The following OTP variants were observed in gnomAD, a reference collection of about 807,000 sequenced individuals.
OTP encodes the protein orthopedia homeobox.
A neutral mutation model predicts 22.3 loss-of-function variants in OTP; 5 were observed. That is an observed-to-expected ratio of 0.22 (90% confidence interval 0.12 to 0.47). The LOEUF (loss-of-function observed/expected upper bound fraction) is 0.47, where lower values mean the gene tolerates loss of function less well. OTP is among the 20% of genes least tolerant of loss of function. OTP has a pLI of 0.99. For missense variants in OTP, 428 were observed against 456.2 expected (o/e 0.94, Z 0.56); for synonymous variants, 229 against 210.6 (o/e 1.09, Z -0.76).
intron 2 of OTP, among the ~76,000 whole-genome samples, chr5:77,635,089 A>G (rs1275552534): frequency 6.6e-6 from 1 of 152,108 alleles, no homozygotes; most frequent in East Asian, 1.9e-4. Context: ...ATTATATTTT[A>G]TTTGTGATTC....
At chr5:77,635,557 A>G (rs751378290) in intron 2 of OTP, among the ~76,000 whole-genome samples, 7 of 152,262 alleles carry the variant, frequency 4.6e-5, no homozygotes, top group Non-Finnish European at 1.0e-4. Context: ...TTGCTATTAG[A>G]GCAGAAGCAT....
At chr5:77,637,788 A>G (rs1580066737) in intron 1 of OTP, among the ~76,000 whole-genome samples, 1 of 152,258 alleles carries the variant, frequency 6.6e-6, no homozygotes, top group South Asian at 2.1e-4. Context: ...TGTTTGGAAA[A>G]TGGAGTCACA....
Position 77,638,526 on chromosome 5 carries a change from C to T in OTP, c.24G>A (p.Leu8=). Residue 8 remains leucine, a synonymous_variant, in exon 1 of 3, where the codon CTG becomes CTA. Transcript: ENST00000306422. MLSHADL[L]DARLGMKDAA... is the part of the protein sequence containing the mutation. Reference sequence around the variant, plus strand: ...GCGCGCACTCACCTAGCCTGGCGTCCAGGAGGTCGGCATGAGACAGCATCG... The same window carrying T: ...GCGCGCACTCACCTAGCCTGGCGTCTAGGAGGTCGGCATGAGACAGCATCG... 6.3e-7 allele frequency: 1 copy of T among 1,579,306 alleles called. No homozygotes were observed.
chr5:77,635,654 T>G (rs528721276), intron 2 of OTP, among the ~76,000 whole-genome samples: 1 of 152,362 alleles, frequency 6.6e-6, no homozygotes, highest in African/African-American at 2.4e-5. Flanking sequence ...TTCTCATTGC[T>G]TACTTCTTAG....
At position 77,630,220 on chromosome 5, in the gene OTP, C is replaced by T. The variant is rs936334823; in HGVS notation, c.*44G>A. ...GCGCCGGAAGGGCCTCGGGGCGGCC[C>T]CCGGGGCGGTGCTGGGGGCGGAGCG... is the stretch of plus-strand genomic sequence containing the variant. On this transcript the variant is annotated 3_prime_UTR_variant, in exon 3 of 3. Coordinates refer to ENST00000306422, the MANE Select transcript of OTP (RefSeq NM_032109.3). 1.5e-5 allele frequency: 20 copies of T among 1,371,844 alleles called. No homozygotes were observed. The African/African-American group carries it at 2.9e-4, about 20-fold the overall frequency. The allele number at this position is 1,371,844 out of a possible 1,614,324, so 85.0% of individuals were successfully genotyped here. A position where few individuals can be genotyped will look rare whatever the true frequency, so the allele number is the denominator to read the frequency against.
At position 77,638,579 on chromosome 5, in the gene OTP, C is replaced by T; in HGVS notation, c.-30G>A. 6.5e-7 allele frequency: 1 copy of T among 1,545,632 alleles called. No individual in the cohort carries two copies. The highest frequency in any genetic ancestry group is 8.7e-7 in the Non-Finnish European group (1 of 1,151,412). On this transcript the variant is annotated 5_prime_UTR_variant, in exon 1 of 3. Coordinates refer to ENST00000306422, the MANE Select transcript of OTP (RefSeq NM_032109.3). The stretch of plus-strand genomic sequence containing the variant: ...CACCGCTCCAGGGCGAAAGCTGTTC[C>T]CCCCCAAATTTTAGCGGCTTTAAGT...
Position 77,637,026 on chromosome 5 carries a change from T to G in OTP, c.242A>C (p.Asp81Ala). The change falls in exon 2 of 3, where the codon GAC becomes GCC. Residue 81 changes from aspartate to alanine, a missense_variant. Coordinates refer to ENST00000306422, the MANE Select transcript of OTP (RefSeq NM_032109.3). ...ASLAVSAKDP[D>A]KQPGPQGGPN... Reference sequence around the variant, plus strand: ...GCCGCCCTGGGGCCCGGGCTGCTTGTCCGGGTCTTTGGCGCTCACCGCCAG... The same window carrying G: ...GCCGCCCTGGGGCCCGGGCTGCTTGGCCGGGTCTTTGGCGCTCACCGCCAG... The G allele has an allele frequency of 6.2e-7, 1 of 1,612,970 alleles. No individual in the cohort carries two copies. The highest frequency in any genetic ancestry group is 1.3e-5 in the African/African-American group (1 of 75,026).
intron 2 of OTP, chr5:77,636,361 G>A (rs74374173): frequency 0.032 from 4,956 of 155,534 alleles, 90 homozygotes; most frequent in South Asian, 0.059. Context: ...TTTAAAAGGC[G>A]CTCATTCGCC....
At chr5:77,630,931 A>C in intron 2 of OTP, 137 bp from the exon 3 acceptor site, 1 of 991,056 alleles carries the variant, frequency 1.0e-6, no homozygotes, top group Middle Eastern at 3.3e-4. Flanking sequence ...TAGGCCCGAC[A>C]AGCCCCCATA....
chr5:77,630,503 G>T lies in OTP; in HGVS notation c.739C>A (p.Pro247Thr). ...CTGTTGGACAGGCCCATGGAGTTGG[G>T]CGGCGGACCGGCCGCCAGGCTGCAC... The part of the protein sequence containing the change: ...SQCSLAAGPP[P>T]NSMGLSNSLA... Residue 247 changes from proline to threonine, a missense_variant, in exon 3 of 3, where the codon CCC becomes ACC. This residue lies in a region of OTP where 236 missense variants were observed against 238.1 expected (regional missense o/e 0.99). Transcript: ENST00000306422. 2 of 1,592,682 alleles carry T rather than the reference G, an allele frequency of 1.3e-6. No homozygotes were observed. The highest frequency in any genetic ancestry group is 4.6e-5 in the East Asian group (2 of 43,918).
intron 2 of OTP, among the ~76,000 whole-genome samples, chr5:77,632,713 CA>C (rs1744950174): frequency 6.6e-6 from 1 of 152,176 alleles, no homozygotes; most frequent in African/African-American, 2.4e-5. Flanking sequence ...GTTTCTACCC[CA>C]TTTTGCAGAT....
Position 77,638,553 on chromosome 5 carries a change from G to A in OTP, c.-4C>T. The A allele has an allele frequency of 3.8e-6, 6 of 1,567,506 alleles. No homozygotes were observed. The highest frequency in any genetic ancestry group is 2.4e-5 in the South Asian group (2 of 82,400). ...GGAGGTCGGCATGAGACAGCATCGC[G>A]CACCGCTCCAGGGCGAAAGCTGTTC... On this transcript the variant is annotated 5_prime_UTR_variant, in exon 1 of 3. Coordinates refer to ENST00000306422, the MANE Select transcript of OTP (RefSeq NM_032109.3).
At chr5:77,631,756 G>GA (rs1401691670) in intron 2 of OTP, among the ~76,000 whole-genome samples, 1 of 151,556 alleles carries the variant, frequency 6.6e-6, no homozygotes, top group African/African-American at 2.4e-5. Flanking sequence ...GTGGAGACGG[G>GA]GTTTCACCAT....
Position 77,638,599 on chromosome 5 carries a change from T to C in OTP, c.-50A>G. 6.7e-7 allele frequency: 1 copy of C among 1,492,002 alleles called. No individual in the cohort carries two copies. Among genetic ancestry groups the C allele is most frequent in the Non-Finnish European group, 9.0e-7 (1 of 1,115,612 alleles). 92.4% of individuals were successfully genotyped at this position (1,492,002 alleles called of 1,614,324 possible). ...TGTTCCCCCCCAAATTTTAGCGGCT[T>C]TAAGTTATTTAAAATAGATATAAGC... On this transcript the variant is annotated 5_prime_UTR_variant, in exon 1 of 3. Coordinates refer to ENST00000306422, the MANE Select transcript of OTP (RefSeq NM_032109.3).
Position 77,630,172 on chromosome 5 carries a change from G to T in OTP, c.*92C>A, listed in dbSNP as rs1405318548. On this transcript the variant is annotated 3_prime_UTR_variant, in exon 3 of 3. Coordinates refer to ENST00000306422, the MANE Select transcript of OTP (RefSeq NM_032109.3). ...GGGGCGAAGGCCGGGGCGGGACGGG[G>T]CAGGGCGCCGGGGTCCGGGTGCGCG... 1.3e-6 allele frequency: 1 copy of T among 778,912 alleles called. No individual in the cohort carries two copies. The highest frequency in any genetic ancestry group is 4.6e-5 in the Admixed American group (1 of 21,812). 48.3% of individuals were successfully genotyped at this position (778,912 alleles called of 1,614,324 possible).
Position 77,629,293 on chromosome 5 carries a change from C to A in OTP, c.*971G>T, listed in dbSNP as rs1212646267. On this transcript the variant is annotated 3_prime_UTR_variant, in exon 3 of 3. Coordinates refer to ENST00000306422, the MANE Select transcript of OTP (RefSeq NM_032109.3). ...TCACCTCTTCCTCGTCACATGACTG[C>A]TTTAGTCTACTCCAGCCACCCAATC... 3 of 152,274 alleles carry A rather than the reference C, an allele frequency of 2.0e-5. No homozygotes were observed. Among genetic ancestry groups the A allele is most frequent in the African/African-American group, 7.2e-5 (3 of 41,470 alleles). 9.4% of individuals were successfully genotyped at this position (152,274 alleles called of 1,614,324 possible). A position where few individuals can be genotyped will look rare whatever the true frequency, so the allele number is the denominator to read the frequency against.
Position 77,638,557 on chromosome 5 carries a change from C to T in OTP, c.-8G>A. ...GTCGGCATGAGACAGCATCGCGCAC[C>T]GCTCCAGGGCGAAAGCTGTTCCCCC... On this transcript the variant is annotated 5_prime_UTR_variant, in exon 1 of 3. Coordinates refer to ENST00000306422, the MANE Select transcript of OTP (RefSeq NM_032109.3). 1.3e-6 allele frequency: 2 copies of T among 1,560,310 alleles called. No individual in the cohort carries two copies. Among genetic ancestry groups the T allele is most frequent in the South Asian group, 2.5e-5 (2 of 81,584 alleles).
In OTP at chr5:77,636,917, G is replaced by C. The variant is rs764401224; in HGVS notation, c.351C>G (p.Asn117Lys). The change falls in exon 2 of 3, where the codon AAC (asparagine) becomes AAG (lysine). Residue 117 changes from asparagine to lysine, a missense_variant. This residue lies in a region of OTP where 176 missense variants were observed against 162.9 expected (regional missense o/e 1.08). Coordinates refer to ENST00000306422, the MANE Select transcript of OTP (RefSeq NM_032109.3). ...TCTTGGCGAAGCTCCTCTCCAACTC[G>C]TTGAGCTGTGCGGGGGTGAAGCGCG... ...HRTRFTPAQL[N>K]ELERSFAKTH... is the part of the protein sequence containing the mutation. 1 of 1,614,196 alleles carries C rather than the reference G, an allele frequency of 6.2e-7. No individual in the cohort carries two copies. The highest frequency in any genetic ancestry group is 1.6e-4 in the Middle Eastern group (1 of 6,062).
Position 77,629,893 on chromosome 5 carries a change from G to T in OTP, c.*371C>A. 1 of 180,344 alleles carries T rather than the reference G, an allele frequency of 5.5e-6. No homozygotes were observed. Among genetic ancestry groups the T allele is most frequent in the South Asian group, 2.0e-4 (1 of 5,078 alleles). The allele number at this position is 180,344 out of a possible 1,614,324, so 11.2% of individuals were successfully genotyped here. A position where few individuals can be genotyped will look rare whatever the true frequency, so the allele number is the denominator to read the frequency against. The stretch of plus-strand genomic sequence containing the variant: ...AGGCGTCGCGTCGAAGGTGTGGGTG[G>T]GAACGCCGCCCGTCAGAAGGCCAGG... On this transcript the variant is annotated 3_prime_UTR_variant, in exon 3 of 3. Coordinates refer to ENST00000306422, the MANE Select transcript of OTP (RefSeq NM_032109.3).
Sources: allele counts gnomAD v4.1 joint callset (sites outside exome capture counted in the v4.1 genomes callset), GRCh38; gene constraint gnomAD v4.1.1; regional missense constraint gnomAD v4.1.1; transcripts MANE v1.5; gene names NCBI Gene and HGNC (gene_info 2026-07-23, HGNC 2026-07-21).